The following SLC25A23 variants were observed in gnomAD, a reference collection of about 807,000 sequenced individuals.
SLC25A23 encodes mitochondrial adenyl nucleotide antiporter SLC25A23.
SLC25A23 carries 32 observed loss-of-function variants against 53.9 expected under a neutral mutation model. The observed-to-expected ratio is 0.59, with a 90% CI of 0.45 to 0.80. SLC25A23 has a LOEUF of 0.80. SLC25A23 is among the 30% of genes least tolerant of loss of function. The pLI is 0.00. For missense variants in SLC25A23, 575 were observed against 651.4 expected, an observed-to-expected ratio of 0.88 and a Z score of 1.28; for synonymous variants, 275 against 264.5, an observed-to-expected ratio of 1.04 and a Z score of -0.38.
In SLC25A23 at chr19:6,456,525, G is replaced by T; in HGVS notation, c.378C>A (p.Asp126Glu). The part of the protein sequence containing the change: ...EQAEKILHSM[D>E]RDGTMTIDWQ... ...AGTCAATGGTCATTGTGCCGTCTCG[G>T]TCCATGCTGGGGGGAAGAAAGGGGG... Residue 126 changes from aspartate (D) to glutamate (E), a missense_variant, in exon 4 of 10, where the codon GAC becomes GAA. By Grantham distance (45) the Asp-to-Glu change is conservative. Transcript: ENST00000301454. 2 of 1,613,414 alleles carry T rather than the reference G, an allele frequency of 1.2e-6. No homozygotes were observed. Among genetic ancestry groups the T allele is most frequent in the Non-Finnish European group, 1.7e-6 (2 of 1,179,838 alleles).
At chr19:6,439,687 G>A (rs1230681574), downstream of SLC25A23, among the ~76,000 whole-genome samples, 2 of 151,634 alleles carry the variant, frequency 1.3e-5, no homozygotes, top group Non-Finnish European at 2.9e-5. Context: ...AAAATTAGCC[G>A]GGCGTGGTGG....
At chr19:6,436,722 G>A (rs996839308), downstream of SLC25A23, among the ~76,000 whole-genome samples, 11 of 151,944 alleles carry the variant, frequency 7.2e-5, no homozygotes, top group Non-Finnish European at 1.5e-4. Flanking sequence ...GCTAATTTTT[G>A]TACTTCTAGT....
intron 4 of SLC25A23, among the ~76,000 whole-genome samples, chr19:6,455,139 G>A (rs796521977): frequency 1.3e-5 from 2 of 152,154 alleles, no homozygotes; most frequent in African/African-American, 4.8e-5. Context: ...AATTGGCCGG[G>A]CATGTGCCTG....
intron 8 of SLC25A23, among the ~76,000 whole-genome samples, chr19:6,446,755 CT>C (rs1389936873): frequency 4.6e-5 from 7 of 152,276 alleles, no homozygotes; most frequent in African/African-American, 1.7e-4. Context: ...CATGTCCCTC[CT>C]TTGGGGGGGA....
chr19:6,436,124 G>A (rs1015942553), downstream of SLC25A23: 2 of 213,536 alleles, frequency 9.4e-6, no homozygotes, highest in Non-Finnish European at 2.0e-5. Context: ...GCCATGTGAC[G>A]AATTACCCCC....
downstream of SLC25A23, among the ~76,000 whole-genome samples, chr19:6,439,169 G>A (rs1436940077): frequency 1.3e-5 from 2 of 151,864 alleles, no homozygotes; most frequent in Admixed American, 6.6e-5. Flanking sequence ...GCAGTGAGCC[G>A]AGATCGCACC....
At chr19:6,439,420 C>G (rs2092384173), downstream of SLC25A23, among the ~76,000 whole-genome samples, 1 of 151,580 alleles carries the variant, frequency 6.6e-6, no homozygotes, top group Non-Finnish European at 1.5e-5. Context: ...CACACACACA[C>G]ACACACACAC....
Position 6,457,579 on chromosome 19 carries a change from C to T in SLC25A23, c.295G>A (p.Val99Ile). 1 of 1,613,982 alleles carries T rather than the reference C, an allele frequency of 6.2e-7. No homozygotes were observed. Among genetic ancestry groups the T allele is most frequent in the Non-Finnish European group, 8.5e-7 (1 of 1,180,008 alleles). The change falls in exon 3 of 10, where the codon GTC becomes ATC. Residue 99 changes from valine (V) to isoleucine (I), a missense_variant. Physicochemically the swap from Val to Ile is conservative, Grantham distance 29. Coordinates refer to ENST00000301454, the MANE Select transcript of SLC25A23 (RefSeq NM_024103.3). The stretch of plus-strand genomic sequence containing the variant: ...CGGAAACTCTGTTGGATCTCAGAGA[C>T]ATCAATGTGACCTGGGGAGGGGGCC... Reference protein sequence around the residue: ...LDRNQDGHIDVSEIQQSFRAL... With the variant: ...LDRNQDGHIDISEIQQSFRAL...
chr19:6,450,531 C>T (rs1193407342), intron 8 of SLC25A23, among the ~76,000 whole-genome samples: 1 of 152,148 alleles, frequency 6.6e-6, no homozygotes, highest in African/African-American at 2.4e-5. Flanking sequence ...TCTCATTCAA[C>T]ACCACAACTG....
chr19:6,456,280 C>T, intron 4 of SLC25A23, 140 bp downstream of exon 4: 1 of 955,438 alleles, frequency 1.0e-6, no homozygotes, highest in East Asian at 2.6e-5. Context: ...GGAACAGACC[C>T]TCATCCGTCA....
downstream of SLC25A23, among the ~76,000 whole-genome samples, chr19:6,437,478 G>T (rs953407384): frequency 2.6e-5 from 4 of 152,036 alleles, no homozygotes; most frequent in East Asian, 7.7e-4. Flanking sequence ...CACTGGATTG[G>T]GGGGGGTTGC....
In SLC25A23 at chr19:6,454,049, C is replaced by T. The variant is rs759278264; in HGVS notation, c.835G>A (p.Val279Met). ...GAGCCAGCCACGAAGCGCTCCTGCA[C>T]ATGCAGTGTCTCCTGCTGCCCCAGG... ...AILGQQETLH[V>M]QERFVAGSLA... is the part of the protein sequence containing the mutation. Residue 279 changes from valine to methionine, a missense_variant, in exon 7 of 10, where the codon GTG becomes ATG. By Grantham distance (21) the Val-to-Met change is conservative. Coordinates refer to ENST00000301454, the MANE Select transcript of SLC25A23 (RefSeq NM_024103.3). This position sits in a 1 kb window ranked among gnomAD's most constrained non-coding sequence, Gnocchi z 4.3. 1.9e-6 allele frequency: 3 copies of T among 1,613,614 alleles called. No individual in the cohort carries two copies. In the Admixed American group the frequency reaches 5.0e-5, roughly 27 times the overall value.
At chr19:6,451,830 CT>C (rs1222647154) in intron 8 of SLC25A23, among the ~76,000 whole-genome samples, 126 of 124,216 alleles carry the variant, frequency 1.0e-3, no homozygotes, top group Middle Eastern at 4.0e-3. Context: ...CTTTGCCTGC[CT>C]TTTTTTTTTT....
Position 6,441,641 on chromosome 19 carries a change from G to A in SLC25A23, c.*334C>T, listed in dbSNP as rs1013807025. On this transcript the variant is annotated 3_prime_UTR_variant, in exon 10 of 10. Transcript: ENST00000301454. Reference sequence around the variant, plus strand: ...AGTGATTTGGGGGATGGGGATTAAGGGCTGGGGTGTGGATAATCTTGAATC... The same window carrying A: ...AGTGATTTGGGGGATGGGGATTAAGAGCTGGGGTGTGGATAATCTTGAATC... 2.6e-5 allele frequency: 9 copies of A among 348,476 alleles called. No homozygotes were observed. Among genetic ancestry groups the A allele is most frequent in the South Asian group, 1.3e-4 (5 of 38,356 alleles). The allele number at this position is 348,476 out of a possible 1,614,324, so 21.6% of individuals were successfully genotyped here.
In SLC25A23 at chr19:6,444,226, C is replaced by G. The variant is rs200737083; in HGVS notation, c.1147G>C (p.Gly383Arg). The G allele has an allele frequency of 3.1e-6, 5 of 1,604,068 alleles. No homozygotes were observed. Among genetic ancestry groups the G allele is most frequent in the Admixed American group, 3.4e-5 (2 of 58,086 alleles). ...DPGILVLLAC[G>R]TISSTCGQIA... ...TGGCCGCAGGTGCTGGATATGGTAC[C>G]GCAGGCCAGGAGCACGAGGATGCCT... Residue 383 changes from glycine to arginine, a missense_variant, in exon 9 of 10, where the codon GGT (glycine) becomes CGT (arginine). By Grantham distance (125) the Gly-to-Arg change is moderately radical. Coordinates refer to ENST00000301454, the MANE Select transcript of SLC25A23 (RefSeq NM_024103.3).
At position 6,459,766 on chromosome 19, in the gene SLC25A23, G is replaced by A; in HGVS notation, c.-138C>T. On this transcript the variant is annotated 5_prime_UTR_variant, in exon 1 of 10. Coordinates refer to ENST00000301454, the MANE Select transcript of SLC25A23 (RefSeq NM_024103.3). This position sits in a 1 kb window ranked among gnomAD's most constrained non-coding sequence, Gnocchi z 4.6. The stretch of plus-strand genomic sequence containing the variant: ...CCGCAGCCTCCGCGCAGTCCGCTCG[G>A]CTCTGGCACTTGCGGGAGGTGGTGA... The A allele has an allele frequency of 1.5e-6, 1 of 688,826 alleles. No homozygotes were observed. Among genetic ancestry groups the A allele is most frequent in the Non-Finnish European group, 2.0e-6 (1 of 507,044 alleles). 42.7% of individuals were successfully genotyped at this position (688,826 alleles called of 1,614,324 possible). A position where few individuals can be genotyped will look rare whatever the true frequency, so the allele number is the denominator to read the frequency against.
rs111900510 is a variant in SLC25A23 at position 6,451,492 on chromosome 19, A to G, written c.1071+820T>C. ...AGCATGGGGCTCTCTGCGACTTCAC[A>G]GGTCACATGCCCATGAAGCAGGCCC... is the stretch of plus-strand genomic sequence containing the variant. On this transcript the variant is annotated intron_variant, in intron 8 of 9. Transcript: ENST00000301454. Among the ~76,000 whole-genome samples the G allele has an allele frequency of 5.7e-3, 874 of 152,356 alleles. 3 individuals are homozygous for G. The highest frequency in any genetic ancestry group is 8.2e-3 in the Non-Finnish European group (561 of 68,036).
intron 7 of SLC25A23, among the ~76,000 whole-genome samples, chr19:6,453,172 G>A (rs1028366411): frequency 5.9e-5 from 9 of 151,710 alleles, no homozygotes; most frequent in East Asian, 3.9e-4. Context: ...AACCTGCATC[G>A]CTAACACTCT....
In SLC25A23 at chr19:6,458,190, G is replaced by A. The variant is rs1200613521; in HGVS notation, c.283+8C>T. ...CTTGGGGCCTGCAGGCAGGTCGCCC[G>A]ACCTTACCATCCTGGTTCCGGTCAA... On this transcript the variant is annotated splice_region_variant and intron_variant, in intron 2 of 9. Transcript: ENST00000301454. 6 of 1,612,750 alleles carry A rather than the reference G, an allele frequency of 3.7e-6. No homozygotes were observed. Among genetic ancestry groups the A allele is most frequent in the Admixed American group, 1.7e-5 (1 of 59,960 alleles).
Sources: allele counts gnomAD v4.1 joint callset (sites outside exome capture counted in the v4.1 genomes callset), GRCh38; gene constraint gnomAD v4.1.1; non-coding constraint Gnocchi (gnomAD v3.1); transcripts MANE v1.5; gene names NCBI Gene and HGNC (gene_info 2026-07-23, HGNC 2026-07-21).